Variants in EFR3A observed in about 807,000 individuals in gnomAD.
EFR3A encodes the protein protein EFR3 homolog A.
A neutral mutation model predicts 104.4 loss-of-function variants in EFR3A; 76 were observed. The ratio of observed to expected loss-of-function variants is 0.73; its 90% confidence interval spans 0.60 to 0.88. The LOEUF (loss-of-function observed/expected upper bound fraction) is 0.88, where lower values mean the gene tolerates loss of function less well. EFR3A is among the 40% of genes least tolerant of loss of function. The pLI is 0.00. For missense variants in EFR3A, 985 were observed against 1,012.5 expected, an observed-to-expected ratio of 0.97 and a Z score of 0.37; for synonymous variants, 330 against 330.0, an observed-to-expected ratio of 1.00 and a Z score of 0.00.
At chr8:131,924,641 TC>T (rs2130462940) in intron 1 of EFR3A, among the ~76,000 whole-genome samples, 1 of 152,232 alleles carries the variant, frequency 6.6e-6, no homozygotes, top group Admixed American at 6.5e-5. Context: ...AATACTCTGT[TC>T]CCTCTGTTCA....
At chr8:131,970,284 T>C (rs1035116025) in intron 9 of EFR3A, among the ~76,000 whole-genome samples, 192 bp from the exon 10 acceptor site, 1 of 152,120 alleles carries the variant, frequency 6.6e-6, no homozygotes, top group Non-Finnish European at 1.5e-5. Context: ...TAAATGTTTG[T>C]TGTTATAATG....
chr8:131,942,852 G>A (rs989589203), intron 2 of EFR3A, among the ~76,000 whole-genome samples: 1 of 151,966 alleles, frequency 6.6e-6, no homozygotes, highest in Non-Finnish European at 1.5e-5. Context: ...GATGAGTTGA[G>A]TGAAAGAAGT....
At chr8:132,004,732 C>T (rs1323067368) in intron 22 of EFR3A, among the ~76,000 whole-genome samples, 1 of 152,254 alleles carries the variant, frequency 6.6e-6, no homozygotes, top group East Asian at 1.9e-4. Flanking sequence ...CTCACCATAG[C>T]CCTGAAAGGT....
chr8:131,984,431 G>T (rs1451640500), intron 15 of EFR3A, 131 bp downstream of exon 15: 1 of 819,340 alleles, frequency 1.2e-6, no homozygotes, highest in Non-Finnish European at 1.8e-6. Flanking sequence ...AAATACTCAA[G>T]ACTATGACTA....
intron 22 of EFR3A, among the ~76,000 whole-genome samples, chr8:132,006,418 CAATA>C (rs1345306407): frequency 6.6e-6 from 1 of 151,264 alleles, no homozygotes; most frequent in Non-Finnish European, 1.5e-5. Context: ...AATTTTATGA[CAATA>C]AATTCAACAC....
intron 1 of EFR3A, among the ~76,000 whole-genome samples, chr8:131,913,918 GTTTTA>G (rs1005380465): frequency 6.6e-6 from 1 of 152,148 alleles, no homozygotes; most frequent in Non-Finnish European, 1.5e-5. Flanking sequence ...GACTTGGATT[GTTTTA>G]TTTTATTAAC....
Position 131,978,854 on chromosome 8 carries a change from C to A in EFR3A, c.1334C>A (p.Ser445Tyr). 6.3e-7 allele frequency: 1 copy of A among 1,591,064 alleles called. No individual in the cohort carries two copies. The highest frequency in any genetic ancestry group is 8.5e-7 in the Non-Finnish European group (1 of 1,170,166). Reference protein sequence around the residue: ...MLLRSLLMVTSGYKAKTIVTA... With the variant: ...MLLRSLLMVTYGYKAKTIVTA... ...TTTCTTCTCGATAATCAGGTGACCTCTGGATATAAAGCGAAGACGATTGTT... is the reference window on the plus strand; with the variant it reads ...TTTCTTCTCGATAATCAGGTGACCTATGGATATAAAGCGAAGACGATTGTT... The change falls in exon 13 of 23, where the codon TCT becomes TAT. Residue 445 changes from serine (S) to tyrosine (Y), a missense_variant. Ser to Tyr is a moderately radical substitution (Grantham distance 144). Coordinates refer to ENST00000254624, the MANE Select transcript of EFR3A (RefSeq NM_015137.6).
Position 131,940,501 on chromosome 8 carries a change from G to A in EFR3A, c.13G>A (p.Val5Ile). 2 of 1,592,158 alleles carry A rather than the reference G, an allele frequency of 1.3e-6. No homozygotes were observed. Among genetic ancestry groups the A allele is most frequent in the Non-Finnish European group, 1.7e-6 (2 of 1,170,418 alleles). ...CTTGATTTTTTTTTTTTTAACAGGA[G>A]TATGCTGCTGCTGTTCCGCTTTGCG... MPTR[V>I]CCCCSALRPR... The change falls in exon 2 of 23, where the codon GTA becomes ATA. Residue 5 changes from valine (V) to isoleucine (I), a missense_variant and splice_region_variant. Physicochemically the swap from Val to Ile is conservative, Grantham distance 29. Coordinates refer to ENST00000254624, the MANE Select transcript of EFR3A (RefSeq NM_015137.6).
intron 5 of EFR3A, among the ~76,000 whole-genome samples, chr8:131,951,900 TTAAGTA>T (rs1429344081): frequency 6.6e-6 from 1 of 152,178 alleles, no homozygotes. Flanking sequence ...TTGATTCTCT[TTAAGTA>T]TATTTATATT....
intron 19 of EFR3A, 92 bp from the exon 20 acceptor site, chr8:132,001,667 T>C: frequency 8.8e-7 from 1 of 1,136,616 alleles, no homozygotes; most frequent in East Asian, 2.4e-5. Context: ...AAAACAAATC[T>C]GAAAAACTTC....
chr8:131,958,169 C>T (rs901568912), intron 7 of EFR3A, among the ~76,000 whole-genome samples: 26 of 151,926 alleles, frequency 1.7e-4, no homozygotes, highest in Non-Finnish European at 3.5e-4. Context: ...ATTTTTCTGC[C>T]TCTTAGGAGA....
chr8:132,013,409 G>C lies in EFR3A; in HGVS notation c.*2514G>C, dbSNP rs111972319. 6.6e-6 allele frequency: 1 copy of C among 152,430 alleles called. No individual in the cohort carries two copies. Among genetic ancestry groups the C allele is most frequent in the Admixed American group, 6.6e-5 (1 of 15,250 alleles). 9.4% of individuals were successfully genotyped at this position (152,430 alleles called of 1,614,324 possible). On this transcript the variant is annotated 3_prime_UTR_variant, in exon 23 of 23. Transcript: ENST00000254624. ...ATAATAATACTACTACACTTTACCA[G>C]CAATTAACTTCTCCCTACCCAAAAT...
intron 22 of EFR3A, among the ~76,000 whole-genome samples, chr8:132,007,224 T>TG (rs1210274151): frequency 6.6e-6 from 1 of 151,822 alleles, no homozygotes; most frequent in Non-Finnish European, 1.5e-5. Flanking sequence ...GTTGTGTATG[T>TG]GGAAAATCGT....
chr8:131,924,793 C>T (rs1817220707), intron 1 of EFR3A, among the ~76,000 whole-genome samples: 1 of 152,120 alleles, frequency 6.6e-6, no homozygotes, highest in Non-Finnish European at 1.5e-5. Context: ...CGTGTTCATG[C>T]TTGGCTGAGC....
At chr8:132,009,284 G>A (rs1254107579) in intron 22 of EFR3A, among the ~76,000 whole-genome samples, 1 of 151,982 alleles carries the variant, frequency 6.6e-6, no homozygotes, top group Non-Finnish European at 1.5e-5. Context: ...TATATAAATG[G>A]AAACATCTTA....
intron 1 of EFR3A, among the ~76,000 whole-genome samples, chr8:131,926,532 A>G (rs1255592244): frequency 6.6e-6 from 1 of 152,154 alleles, no homozygotes; most frequent in East Asian, 1.9e-4. Context: ...TAAAAATTAC[A>G]TTTTAAGATA....
In EFR3A at chr8:131,979,403, C is replaced by T; in HGVS notation, c.1557C>T (p.Asp519=). ...AAAGAGAAAAAATTTGCAGACAAGA[C>T]ACAAGTTTCATGAAAAAGGTAAGAC... ...KIKREKICRQ[D]TSFMKKNGQQ... is the part of the protein sequence containing the mutation. Residue 519 remains aspartate (D), a synonymous_variant, in exon 14 of 23, where the codon GAC becomes GAT. Coordinates refer to ENST00000254624, the MANE Select transcript of EFR3A (RefSeq NM_015137.6). 1 of 1,561,886 alleles carries T rather than the reference C, an allele frequency of 6.4e-7. No individual in the cohort carries two copies. Among genetic ancestry groups the T allele is most frequent in the Non-Finnish European group, 8.7e-7 (1 of 1,151,198 alleles).
rs553649664 is a variant in EFR3A, at chr8:131,924,099, G to T, written c.11-16400G>T. 2.5e-5 allele frequency: 11 copies of T among 442,264 alleles called. 1 individual carries two copies. Among genetic ancestry groups the T allele is most frequent in the African/African-American group, 1.4e-4 (7 of 49,280 alleles). The allele number at this position is 442,264 out of a possible 1,614,324, so 27.4% of individuals were successfully genotyped here. On this transcript the variant is annotated intron_variant, in intron 1 of 22. Coordinates refer to ENST00000254624, the MANE Select transcript of EFR3A (RefSeq NM_015137.6). The stretch of plus-strand genomic sequence containing the variant: ...TTAGATATTTCTTAGGTCATAAAAT[G>T]AATGCTTATTAGATTGTTTCTTGTG...
chr8:131,955,557 A>G (rs963881712), intron 6 of EFR3A, among the ~76,000 whole-genome samples: 2 of 152,164 alleles, frequency 1.3e-5, no homozygotes, highest in Admixed American at 6.6e-5. Flanking sequence ...GCTAGAAACA[A>G]TTTGCACAGC....
Sources: gnomAD v4.1 joint callset for allele counts (sites outside exome capture counted in the v4.1 genomes callset) on GRCh38, gnomAD v4.1.1 for gene constraint, MANE v1.5 for transcripts, NCBI Gene and HGNC (gene_info 2026-07-23, HGNC 2026-07-21) for gene names.